The following PAWR variants were observed in gnomAD, a reference collection of about 807,000 sequenced individuals.
PAWR encodes PRKC apoptosis WT1 regulator protein.
In PAWR, 23 loss-of-function variants were observed where a neutral mutation model predicts 32.0. The ratio of observed to expected loss-of-function variants is 0.72; its 90% CI spans 0.52 to 1.02. The LOEUF (loss-of-function observed/expected upper bound fraction) is 1.02. Among genes scored for constraint, PAWR ranks in the 50% least tolerant of loss-of-function variants. The pLI, the probability that PAWR is intolerant of heterozygous loss-of-function variation, is 0.00. For missense variants in PAWR, 457 were observed against 437.7 expected, an observed-to-expected ratio of 1.04 and a Z score of -0.39; for synonymous variants, 226 against 187.1, an observed-to-expected ratio of 1.21 and a Z score of -1.70.
Position 79,592,219 on chromosome 12 carries a change from T to G in PAWR, c.*388A>C, listed in dbSNP as rs1873581051. On this transcript the variant is annotated 3_prime_UTR_variant, in exon 7 of 7. Transcript: ENST00000328827. ...TTGCACACATCAGTAATAGGACATG[T>G]GAAGGTAACATCCCAAAAGTATTTG... 1 of 184,732 alleles carries G rather than the reference T, an allele frequency of 5.4e-6. No individual in the cohort carries two copies. Among genetic ancestry groups the G allele is most frequent in the Admixed American group, 6.3e-5 (1 of 15,906 alleles). The allele number at this position is 184,732 out of a possible 1,614,324, so 11.4% of individuals were successfully genotyped here.
At chr12:79,632,629 A>G (rs978784150) in intron 2 of PAWR, among the ~76,000 whole-genome samples, 32 of 151,626 alleles carry the variant, frequency 2.1e-4, no homozygotes, top group Non-Finnish European at 3.5e-4. Context: ...TCAGTCTCAC[A>G]AAGTTCTGGG....
At chr12:79,600,989 C>A (rs886382036) in intron 4 of PAWR, among the ~76,000 whole-genome samples, 7 of 152,060 alleles carry the variant, frequency 4.6e-5, no homozygotes, top group African/African-American at 1.7e-4. Context: ...TTCTCAAGTT[C>A]TTTTCTTGTC....
At chr12:79,664,805 T>A (rs1877526841) in intron 2 of PAWR, among the ~76,000 whole-genome samples, 1 of 151,750 alleles carries the variant, frequency 6.6e-6, no homozygotes, top group African/African-American at 2.4e-5. Context: ...TTTTTTTTTT[T>A]AAAGTTCCAA....
rs1246336962 is a variant in PAWR, at chr12:79,591,978, T to C, written c.*629A>G. On this transcript the variant is annotated 3_prime_UTR_variant, in exon 7 of 7. Coordinates refer to ENST00000328827, the MANE Select transcript of PAWR (RefSeq NM_002583.4). ...AATTTTTCAATATTCAAACACAAAA[T>C]AGTAAATTTTTATTTACTATAGCAC... The C allele has an allele frequency of 2.6e-5, 4 of 152,572 alleles. No homozygotes were observed. The highest frequency in any genetic ancestry group is 1.9e-4 in the East Asian group (1 of 5,198). 9.5% of individuals were successfully genotyped at this position (152,572 alleles called of 1,614,324 possible). A position where few individuals can be genotyped will look rare whatever the true frequency, so the allele number is the denominator to read the frequency against.
intron 2 of PAWR, among the ~76,000 whole-genome samples, chr12:79,632,326 T>TATATATATAC (rs1875701872): frequency 9.0e-5 from 3 of 33,320 alleles, no homozygotes; most frequent in South Asian, 8.0e-4. Flanking sequence ...TATATATATA[T>TATATATATAC]ATATATATAT....
At chr12:79,643,982 C>T (rs1394991164) in intron 2 of PAWR, among the ~76,000 whole-genome samples, 2 of 152,056 alleles carry the variant, frequency 1.3e-5, no homozygotes, top group Non-Finnish European at 2.9e-5. Context: ...TGCACAAGTT[C>T]GTATGAAGCA....
intron 2 of PAWR, among the ~76,000 whole-genome samples, chr12:79,685,229 A>G (rs957817537): frequency 6.6e-6 from 1 of 152,216 alleles, no homozygotes; most frequent in African/African-American, 2.4e-5. Flanking sequence ...GTTTTACACT[A>G]AACAGTCTCA....
chr12:79,632,632 GTTCTGGGA>G (rs1387252371), intron 2 of PAWR, among the ~76,000 whole-genome samples: 1 of 151,516 alleles, frequency 6.6e-6, no homozygotes, highest in Non-Finnish European at 1.5e-5. Context: ...GTCTCACAAA[GTTCTGGGA>G]TTATAGGCGT....
intron 2 of PAWR, among the ~76,000 whole-genome samples, chr12:79,670,865 T>C (rs1332111203): frequency 6.6e-6 from 1 of 150,780 alleles, no homozygotes; most frequent in Non-Finnish European, 1.5e-5. Flanking sequence ...GTTTGCCACT[T>C]TTTTTTTAGG....
At chr12:79,671,631 C>G (rs1440612271) in intron 2 of PAWR, among the ~76,000 whole-genome samples, 1 of 151,446 alleles carries the variant, frequency 6.6e-6, no homozygotes, top group Non-Finnish European at 1.5e-5. Flanking sequence ...TTAGTTTCCT[C>G]GATACGAGGG....
intron 2 of PAWR, among the ~76,000 whole-genome samples, chr12:79,626,162 T>C (rs1224678605): frequency 0.012 from 488 of 41,816 alleles, 4 homozygotes; most frequent in African/African-American, 0.072. Flanking sequence ...AGACTCCATC[T>C]TAAAAAAAAA....
At chr12:79,614,303 C>CTCA (rs1224265332) in intron 3 of PAWR, among the ~76,000 whole-genome samples, 1 of 150,802 alleles carries the variant, frequency 6.6e-6, no homozygotes, top group African/African-American at 2.5e-5. Flanking sequence ...AGCCACTGCG[C>CTCA]CCGGCCTTAT....
chr12:79,596,663 G>A lies in PAWR; in HGVS notation c.684-5C>T, dbSNP rs1020722018. 8 of 1,547,030 alleles carry A rather than the reference G, an allele frequency of 5.2e-6. No homozygotes were observed. Among genetic ancestry groups the A allele is most frequent in the Admixed American group, 2.2e-5 (1 of 46,390 alleles). ...TCTTCAGAGACACTGGTTGTGCTGTGGAAATATAAACATTTTATTAAAATC... is the reference window on the plus strand; with the variant it reads ...TCTTCAGAGACACTGGTTGTGCTGTAGAAATATAAACATTTTATTAAAATC... On this transcript the variant is annotated splice_region_variant and splice_polypyrimidine_tract_variant and intron_variant, in intron 4 of 6. Coordinates refer to ENST00000328827, the MANE Select transcript of PAWR (RefSeq NM_002583.4).
chr12:79,638,258 T>A (rs1272595702), intron 2 of PAWR, among the ~76,000 whole-genome samples: 1 of 152,044 alleles, frequency 6.6e-6, no homozygotes, highest in African/African-American at 2.4e-5. Flanking sequence ...GAATCCTAAT[T>A]AATAGGATAA....
At chr12:79,613,962 TATATATATATATATATA>T (rs1359960781) in intron 3 of PAWR, among the ~76,000 whole-genome samples, 37 of 8,084 alleles carry the variant, frequency 4.6e-3, no homozygotes, top group African/African-American at 0.011. Context: ...TATATATATA[TATATATATATATATATA>T]TTTTTTTTTT....
chr12:79,645,764 T>C (rs1876545921), intron 2 of PAWR, among the ~76,000 whole-genome samples: 1 of 152,214 alleles, frequency 6.6e-6, no homozygotes, highest in Non-Finnish European at 1.5e-5. Flanking sequence ...TTTCCAAAAA[T>C]ATTTTCAGAG....
Position 79,585,639 on chromosome 12 carries a change from A to C in PAWR, c.*6968T>G, listed in dbSNP as rs931669114. 6.6e-6 allele frequency: 1 copy of C among 152,570 alleles called. No individual in the cohort carries two copies. The highest frequency in any genetic ancestry group is 1.5e-5 in the Non-Finnish European group (1 of 68,330). 9.5% of individuals were successfully genotyped at this position (152,570 alleles called of 1,614,324 possible). A position where few individuals can be genotyped will look rare whatever the true frequency, so the allele number is the denominator to read the frequency against. On this transcript the variant is annotated 3_prime_UTR_variant, in exon 7 of 7. Coordinates refer to ENST00000328827, the MANE Select transcript of PAWR (RefSeq NM_002583.4). Reference sequence around the variant, plus strand: ...TACTGAATTACTAATGAATGTTATTATGCTATCATAAGTTATGGTTAAAGT... The same window carrying C: ...TACTGAATTACTAATGAATGTTATTCTGCTATCATAAGTTATGGTTAAAGT...
In PAWR at chr12:79,585,010, C is replaced by A; in HGVS notation, c.*7597G>T. On this transcript the variant is annotated 3_prime_UTR_variant, in exon 7 of 7. Coordinates refer to ENST00000328827, the MANE Select transcript of PAWR (RefSeq NM_002583.4). ...ACACAGACAAACAATGATTTTATTC[C>A]ATAGTCTCTTGGACTTGAGAATCCA... 3.5e-6 allele frequency: 1 copy of A among 282,648 alleles called. No homozygotes were observed. Among genetic ancestry groups the A allele is most frequent in the South Asian group, 3.3e-5 (1 of 30,438 alleles). The allele number at this position is 282,648 out of a possible 1,614,324, so 17.5% of individuals were successfully genotyped here.
intron 2 of PAWR, among the ~76,000 whole-genome samples, chr12:79,674,276 C>T (rs1401837307): frequency 2.0e-5 from 3 of 151,836 alleles, no homozygotes; most frequent in Non-Finnish European, 2.9e-5. Context: ...TGATCTTTGA[C>T]AAAGCCAACA....
Sources: allele counts gnomAD v4.1 joint callset (sites outside exome capture counted in the v4.1 genomes callset), GRCh38; gene constraint gnomAD v4.1.1; transcripts MANE v1.5; gene names NCBI Gene and HGNC (gene_info 2026-07-23, HGNC 2026-07-21).